LEKR1: variants seen among roughly 807,000 people sequenced by gnomAD.
LEKR1 encodes protein LEKR1.
A neutral mutation model predicts 72.4 loss-of-function variants in LEKR1; 59 were observed. That is an observed-to-expected ratio of 0.82 (90% CI 0.66 to 1.01). The LOEUF (loss-of-function observed/expected upper bound fraction) is 1.01, where lower values mean the gene tolerates loss of function less well. Ranked by LOEUF, LEKR1 falls within the 50% of genes least tolerant of loss-of-function variation. The pLI, the probability that LEKR1 is intolerant of heterozygous loss-of-function variation, is 0.00. For missense variants in LEKR1, 728 were observed against 759.2 expected, an observed-to-expected ratio of 0.96 and a Z score of 0.48; for synonymous variants, 257 against 263.2, an observed-to-expected ratio of 0.98 and a Z score of 0.23.
At chr3:156,994,195 T>C (rs1731361631) in intron 9 of LEKR1, among the ~76,000 whole-genome samples, 10 of 152,044 alleles carry the variant, frequency 6.6e-5, no homozygotes, top group Admixed American at 6.6e-4. Flanking sequence ...AGTTACAATC[T>C]TTTTTTTCTT....
At chr3:157,005,485 G>A (rs1222886678) in intron 9 of LEKR1, among the ~76,000 whole-genome samples, 1 of 152,036 alleles carries the variant, frequency 6.6e-6, no homozygotes, top group Admixed American at 6.5e-5. Context: ...AACAAAACCT[G>A]ACAAAGACAT....
chr3:156,947,730 T>C (rs546728319), intron 6 of LEKR1, among the ~76,000 whole-genome samples: 1 of 151,290 alleles, frequency 6.6e-6, no homozygotes, highest in South Asian at 2.1e-4. Flanking sequence ...ACTATTACTA[T>C]ATTCTGTCTT....
intron 2 of LEKR1, among the ~76,000 whole-genome samples, chr3:156,837,648 G>A (rs1031508409): frequency 6.6e-6 from 1 of 152,170 alleles, no homozygotes; most frequent in Non-Finnish European, 1.5e-5. Flanking sequence ...GGAAAGGAGT[G>A]AAACAATGTG....
In LEKR1 at chr3:156,927,592, A is replaced by T; in HGVS notation, c.547A>T (p.Thr183Ser). 8.2e-7 allele frequency: 1 copy of T among 1,223,540 alleles called. No homozygotes were observed. The highest frequency in any genetic ancestry group is 1.0e-6 in the Non-Finnish European group (1 of 961,594). The allele number at this position is 1,223,540 out of a possible 1,614,324, so 75.8% of individuals were successfully genotyped here. A position where few individuals can be genotyped will look rare whatever the true frequency, so the allele number is the denominator to read the frequency against. Reference protein sequence around the residue: ...VFLQIKSISETALTEIDILNK... With the variant: ...VFLQIKSISESALTEIDILNK... ...TCTACAAATTAAATCTATAAGTGAA[A>T]CAGCCTTGACAGGTTTGTTACATAT... The change falls in exon 5 of 13, where the codon ACA becomes TCA. Residue 183 changes from threonine to serine, a missense_variant. Transcript: ENST00000356539.
chr3:156,861,866 AT>A (rs1716799209), intron 3 of LEKR1, among the ~76,000 whole-genome samples: 1 of 151,910 alleles, frequency 6.6e-6, no homozygotes, highest in Non-Finnish European at 1.5e-5. Context: ...TTATCTTTTC[AT>A]TTTTCTCCCA....
Position 156,829,280 on chromosome 3 carries a change from T to G in LEKR1, c.-44-6T>G. 8.9e-7 allele frequency: 1 copy of G among 1,117,912 alleles called. No homozygotes were observed. The highest frequency in any genetic ancestry group is 1.4e-5 in the South Asian group (1 of 73,802). 69.2% of individuals were successfully genotyped at this position (1,117,912 alleles called of 1,614,324 possible). Reference sequence around the variant, plus strand: ...CTGTTCTGACTGTTGCCATCAATGTTCTTAGATTTCCTTTGGCTTCAAAGC... The same window carrying G: ...CTGTTCTGACTGTTGCCATCAATGTGCTTAGATTTCCTTTGGCTTCAAAGC... On this transcript the variant is annotated splice_polypyrimidine_tract_variant and splice_region_variant and intron_variant, in intron 1 of 12. Coordinates refer to ENST00000356539, the MANE Select transcript of LEKR1 (RefSeq NM_001004316.3).
intron 3 of LEKR1, among the ~76,000 whole-genome samples, chr3:156,872,434 A>G (rs1266844173): frequency 6.6e-6 from 1 of 151,728 alleles, no homozygotes; most frequent in East Asian, 1.9e-4. Context: ...TGTAGTCTCT[A>G]TTTTGTTGAG....
chr3:156,935,369 C>CT (rs1486721689), intron 5 of LEKR1, among the ~76,000 whole-genome samples: 3 of 152,092 alleles, frequency 2.0e-5, no homozygotes, highest in Admixed American at 2.0e-4. Context: ...TTTTAAAAAA[C>CT]TTTCTTTTTA....
At chr3:156,948,432 A>G (rs1453802349) in intron 6 of LEKR1, among the ~76,000 whole-genome samples, 2 of 151,206 alleles carry the variant, frequency 1.3e-5, no homozygotes, top group Non-Finnish European at 3.0e-5. Context: ...ACAACTTCCC[A>G]AAAGAGTTCA....
intron 6 of LEKR1, among the ~76,000 whole-genome samples, chr3:156,966,298 G>A (rs1405348025): frequency 6.6e-6 from 1 of 152,094 alleles, no homozygotes; most frequent in Non-Finnish European, 1.5e-5. Flanking sequence ...AGTGGGTGCA[G>A]CACACCGAGT....
intron 3 of LEKR1, among the ~76,000 whole-genome samples, chr3:156,908,877 G>A (rs1388702894): frequency 6.6e-6 from 1 of 151,978 alleles, no homozygotes; most frequent in Non-Finnish European, 1.5e-5. Context: ...TTTACATCTT[G>A]GTACTTGATA....
At chr3:156,944,347 A>G (rs1294842925) in intron 6 of LEKR1, among the ~76,000 whole-genome samples, 1 of 151,850 alleles carries the variant, frequency 6.6e-6, no homozygotes, top group Non-Finnish European at 1.5e-5. Context: ...ACAATGTATA[A>G]TAATTATGTC....
chr3:156,933,756 G>T (rs529195757), intron 5 of LEKR1, among the ~76,000 whole-genome samples: 1 of 152,228 alleles, frequency 6.6e-6, no homozygotes, highest in South Asian at 2.1e-4. Flanking sequence ...TTTTAGGACT[G>T]TTAATTAAAC....
At chr3:156,940,130 T>A (rs1005632367) in intron 5 of LEKR1, among the ~76,000 whole-genome samples, 1 of 152,140 alleles carries the variant, frequency 6.6e-6, no homozygotes, top group Non-Finnish European at 1.5e-5. Context: ...CAGCAATGCC[T>A]TTACTAATTT....
chr3:156,895,665 A>G (rs955893374), intron 3 of LEKR1, among the ~76,000 whole-genome samples: 1 of 152,110 alleles, frequency 6.6e-6, no homozygotes, highest in African/African-American at 2.4e-5. Flanking sequence ...GTGAGATACC[A>G]TCTCATGCCA....
chr3:156,957,711 A>G (rs1727775471), intron 6 of LEKR1, among the ~76,000 whole-genome samples: 3 of 152,094 alleles, frequency 2.0e-5, no homozygotes, highest in African/African-American at 4.8e-5. Flanking sequence ...GCAGTTGTAG[A>G]TAGAATATAG....
At position 156,972,401 on chromosome 3, in the gene LEKR1, AG is replaced by A. The variant is rs1259071522; in HGVS notation, c.746-6792del. Among the ~76,000 whole-genome samples the A allele has an allele frequency of 5.9e-5, 9 of 152,240 alleles. 1 individual carries two copies. In the South Asian group the frequency reaches 1.7e-3, roughly 28 times the overall value. ...GAGATATACCTAATGTTAAATGACG[AG>A]TTAATGGGTGCAGCACACCAACATG... On this transcript the variant is annotated intron_variant, in intron 6 of 12. Transcript: ENST00000356539.
intron 9 of LEKR1, among the ~76,000 whole-genome samples, chr3:156,996,671 A>C (rs979152859): frequency 6.6e-6 from 1 of 152,174 alleles, no homozygotes; most frequent in South Asian, 2.1e-4. Flanking sequence ...GAGGATCTCC[A>C]GCTCCTACAC....
At chr3:156,899,585 TGTATATATACATATAC>T in intron 3 of LEKR1, among the ~76,000 whole-genome samples, 2 of 110,578 alleles carry the variant, frequency 1.8e-5, no homozygotes, top group African/African-American at 7.9e-5. Context: ...TACATATACA[TGTATATATACATATAC>T]GTATATATAC....
Sources: allele counts gnomAD v4.1 joint callset (sites outside exome capture counted in the v4.1 genomes callset), GRCh38; gene constraint gnomAD v4.1.1; transcripts MANE v1.5; gene names NCBI Gene and HGNC (gene_info 2026-07-23, HGNC 2026-07-21).